The following AMZ1 variants were observed in gnomAD, a reference collection of about 807,000 sequenced individuals.
AMZ1 encodes archaelysin family metallopeptidase 1.
In AMZ1, 39 loss-of-function variants were observed where a neutral mutation model predicts 29.9. The ratio of observed to expected loss-of-function variants is 1.30; its 90% confidence interval spans 1.01 to 1.70. AMZ1 has a LOEUF of 1.70. AMZ1 is among the 40% of genes most tolerant of loss of function. The pLI is 0.00. For synonymous variants in AMZ1, 458 were observed against 304.0 expected (o/e 1.51, Z -5.27); for missense variants, 1,041 against 680.6 (o/e 1.53, Z -5.89).
intron 4 of AMZ1, among the ~76,000 whole-genome samples, chr7:2,741,076 TCAAA>T (rs1309165138): frequency 2.0e-5 from 3 of 149,624 alleles, no homozygotes; most frequent in Admixed American, 6.6e-5. Flanking sequence ...AAACAAATAA[TCAAA>T]CAAAAAACCA....
chr7:2,709,103 C>T lies in AMZ1; in HGVS notation c.630C>T (p.Phe210=), dbSNP rs756525635. The T allele has an allele frequency of 1.9e-6, 3 of 1,600,510 alleles. No homozygotes were observed. Among genetic ancestry groups the T allele is most frequent in the African/African-American group, 1.3e-5 (1 of 74,354 alleles). ...TGGGCGTCTGCAGCTTCGCCCGGTT[C>T]TCAGGGGAATTCCCGAAGTCGGGGC... is the stretch of plus-strand genomic sequence containing the variant. ...HEVGVCSFAR[F]SGEFPKSGPS... Residue 210 remains phenylalanine, a synonymous_variant, in exon 5 of 7, where the codon TTC becomes TTT. Transcript: ENST00000683327.
intron 3 of AMZ1, among the ~76,000 whole-genome samples, chr7:2,707,269 T>C (rs1417992884): frequency 1.7e-5 from 2 of 118,704 alleles, no homozygotes; most frequent in African/African-American, 2.8e-5. Flanking sequence ...AAAGCAACAC[T>C]CCATCTCAAA....
chr7:2,709,045 G>T (rs969206171), intron 4 of AMZ1, 30 bp from the exon 5 acceptor site: 10 of 1,539,074 alleles, frequency 6.5e-6, no homozygotes, highest in African/African-American at 1.4e-5. Flanking sequence ...GCTGACCCCT[G>T]AGAGTGCCCT....
rs1042624302 is a variant in AMZ1, at chr7:2,717,181, C to T, written c.*4303C>T. ...TGGCCGGCACTCTTAGGTGAGGTGC[C>T]AACGAAAACACCCCCGTGATTGCTG... On this transcript the variant is annotated 3_prime_UTR_variant, in exon 7 of 7. Transcript: ENST00000683327. Among the ~76,000 whole-genome samples, 6 of 152,144 alleles carry T rather than the reference C, an allele frequency of 3.9e-5. No homozygotes were observed. The highest frequency in any genetic ancestry group is 1.3e-4 in the Admixed American group (2 of 15,276).
At chr7:2,720,495 C>T (rs965747268), downstream of AMZ1, among the ~76,000 whole-genome samples, 5 of 152,102 alleles carry the variant, frequency 3.3e-5, no homozygotes, top group African/African-American at 1.2e-4. Context: ...CCTCCGCCTT[C>T]TGGGTTCAAA....
At position 2,717,914 on chromosome 7, in the gene AMZ1, T is replaced by C. The variant is rs1160523460; in HGVS notation, c.*5036T>C. Among the ~76,000 whole-genome samples the C allele has an allele frequency of 1.3e-5, 2 of 152,170 alleles. No homozygotes were observed. Among genetic ancestry groups the C allele is most frequent in the East Asian group, 1.9e-4 (1 of 5,194 alleles). ...GGTCACCACGCGTTCAGTCCAACTC[T>C]TCCCCGCTGCAGTGTTCCCGTGACG... On this transcript the variant is annotated 3_prime_UTR_variant, in exon 7 of 7. Transcript: ENST00000683327.
rs146898498 is a variant in AMZ1, at chr7:2,716,958, G to A, written c.*4080G>A. Among the ~76,000 whole-genome samples, 32 of 152,312 alleles carry A rather than the reference G, an allele frequency of 2.1e-4. No individual in the cohort carries two copies. The highest frequency in any genetic ancestry group is 3.4e-3 in the Middle Eastern group (1 of 294). On this transcript the variant is annotated 3_prime_UTR_variant, in exon 7 of 7. Transcript: ENST00000683327. The stretch of plus-strand genomic sequence containing the variant: ...TCTTGCTTGAACCCCGAGTTCTCCC[G>A]CTGTTGTGCAGCTTTCTAAAAGCAA...
chr7:2,697,256 C>T (rs1426390063), intron 1 of AMZ1, among the ~76,000 whole-genome samples: 1 of 151,982 alleles, frequency 6.6e-6, no homozygotes, highest in Admixed American at 6.6e-5. Flanking sequence ...GTCACCACGC[C>T]CGGCTAATTT....
intron 2 of AMZ1, chr7:2,702,134 C>T (rs1299946605): frequency 2.0e-5 from 3 of 152,976 alleles, no homozygotes; most frequent in Non-Finnish European, 4.4e-5. Flanking sequence ...CATCTGTCCT[C>T]CTGACCTGTG....
intron 1 of AMZ1, 76 bp from the exon 2 acceptor site, chr7:2,700,158 G>A (rs1476660661): frequency 2.2e-6 from 1 of 458,938 alleles, no homozygotes; most frequent in Non-Finnish European, 4.0e-6. Context: ...CTGGGCAGGA[G>A]CGGCCCATCC....
At chr7:2,706,777 C>T (rs564899732) in intron 3 of AMZ1, among the ~76,000 whole-genome samples, 1 of 151,990 alleles carries the variant, frequency 6.6e-6, no homozygotes, top group Non-Finnish European at 1.5e-5. Context: ...GTTAGGACTT[C>T]CACCTGTCTT....
intron 3 of AMZ1, among the ~76,000 whole-genome samples, chr7:2,707,847 G>A (rs1349744681): frequency 8.2e-6 from 1 of 121,888 alleles, no homozygotes; most frequent in Non-Finnish European, 1.6e-5. Flanking sequence ...TTTTTGAGAT[G>A]GAGTCTGGCT....
chr7:2,745,156 G>T (rs112452869), intron 4 of AMZ1, among the ~76,000 whole-genome samples: 21,953 of 152,164 alleles, frequency 0.14, 1,832 homozygotes, highest in Non-Finnish European at 0.2. Context: ...TCAAAATCAG[G>T]AAATACAGAG....
At position 2,714,927 on chromosome 7, in the gene AMZ1, C is replaced by T. The variant is rs1442494014; in HGVS notation, c.*2049C>T. 3.3e-5 allele frequency: 5 copies of T among 152,294 alleles called. No individual in the cohort carries two copies. The highest frequency in any genetic ancestry group is 1.2e-4 in the African/African-American group (5 of 41,414). The allele number at this position is 152,294 out of a possible 1,614,324, so 9.4% of individuals were successfully genotyped here. A position where few individuals can be genotyped will look rare whatever the true frequency, so the allele number is the denominator to read the frequency against. On this transcript the variant is annotated 3_prime_UTR_variant, in exon 7 of 7. Transcript: ENST00000683327. ...CAAAGGGACAAGTATGTGTTGATTT[C>T]AGAGAAGCTCAGATGTAGCATTAGG... is the stretch of plus-strand genomic sequence containing the variant.
intron 1 of AMZ1, among the ~76,000 whole-genome samples, chr7:2,694,953 G>A (rs866447817): frequency 2.0e-5 from 3 of 152,200 alleles, no homozygotes; most frequent in South Asian, 2.1e-4. Flanking sequence ...GATTCCAGGC[G>A]TGAGCCATCG....
At chr7:2,694,241 A>C (rs2115065663) in intron 1 of AMZ1, among the ~76,000 whole-genome samples, 1 of 152,266 alleles carries the variant, frequency 6.6e-6, no homozygotes, top group South Asian at 2.1e-4. Flanking sequence ...AGGGAGGAGG[A>C]GTTCACCCCT....
At chr7:2,741,028 G>C (rs1165842922) in intron 4 of AMZ1, among the ~76,000 whole-genome samples, 1 of 151,732 alleles carries the variant, frequency 6.6e-6, no homozygotes, top group East Asian at 1.9e-4. Context: ...CTGGGCGACA[G>C]AGCGAGACTC....
rs147774098 is a variant in AMZ1, at chr7:2,710,048, T to G, written c.948+232T>G. 5.6e-3 allele frequency among the ~76,000 whole-genome samples: 850 copies of G among 152,316 alleles called. 4 individuals are homozygous for G. Among genetic ancestry groups the G allele is most frequent in the Middle Eastern group, 0.02 (6 of 294 alleles). Reference sequence around the variant, plus strand: ...CGTGTGGTGGCTGTGACTGGGAGGTTGCAGCGGGGTCGAGTGGGGACGAGG... The same window carrying G: ...CGTGTGGTGGCTGTGACTGGGAGGTGGCAGCGGGGTCGAGTGGGGACGAGG... On this transcript the variant is annotated intron_variant, in intron 6 of 6. Coordinates refer to ENST00000683327, the MANE Select transcript of AMZ1 (RefSeq NM_001384743.1).
chr7:2,747,257 T>C (rs1790812042), intron 4 of AMZ1, among the ~76,000 whole-genome samples: 2 of 152,206 alleles, frequency 1.3e-5, no homozygotes, highest in Non-Finnish European at 2.9e-5. Flanking sequence ...TGAACATTGA[T>C]GCAAAAATCC....
Sources: allele counts gnomAD v4.1 joint callset (sites outside exome capture counted in the v4.1 genomes callset), GRCh38; gene constraint gnomAD v4.1.1; transcripts MANE v1.5; gene names NCBI Gene and HGNC (gene_info 2026-07-23, HGNC 2026-07-21).